The following MIPEP variants were observed in gnomAD, a reference collection of about 807,000 sequenced individuals.
MIPEP encodes mitochondrial intermediate peptidase.
In MIPEP, 79 loss-of-function variants were observed where a neutral mutation model predicts 90.3. That is an observed-to-expected ratio of 0.87 (90% CI 0.73 to 1.05). The LOEUF (loss-of-function observed/expected upper bound fraction) is 1.05. Among genes scored for constraint, MIPEP ranks in the 50% least tolerant of loss-of-function variants. The pLI is 0.00. For missense variants in MIPEP, 940 were observed against 905.6 expected, an observed-to-expected ratio of 1.04 and a Z score of -0.49; for synonymous variants, 334 against 315.8, an observed-to-expected ratio of 1.06 and a Z score of -0.61.
At chr13:23,869,209 A>G in intron 7 of MIPEP, 83 bp downstream of exon 7, 1 of 1,248,198 alleles carries the variant, frequency 8.0e-7, no homozygotes, top group East Asian at 2.4e-5. Context: ...AAAATAGAAC[A>G]CTAATTTACA....
At chr13:23,808,494 G>C (rs1214293892) in intron 15 of MIPEP, among the ~76,000 whole-genome samples, 3 of 152,128 alleles carry the variant, frequency 2.0e-5, no homozygotes, top group East Asian at 3.9e-4. Context: ...TATAAAAGCT[G>C]AACCCAGGCA....
In MIPEP at chr13:23,841,473, G is replaced by T. The variant is rs758436535; in HGVS notation, c.1122C>A (p.Pro374=). The change falls in exon 11 of 19, where the codon CCC becomes CCA. Residue 374 remains proline, a synonymous_variant. Transcript: ENST00000382172. ...GAGAGAAAAACGGGCAATATAGGCT[G>T]GGCTCAATATTATACCTAAGAGAAG... ...VIRAERYNIE[P]SLYCPFFSLG... 6.2e-7 allele frequency: 1 copy of T among 1,612,446 alleles called. No homozygotes were observed. The highest frequency in any genetic ancestry group is 1.3e-5 in the African/African-American group (1 of 74,934).
intron 14 of MIPEP, among the ~76,000 whole-genome samples, chr13:23,824,817 T>A (rs963325892): frequency 1.3e-5 from 2 of 152,212 alleles, no homozygotes; most frequent in African/African-American, 4.8e-5. Context: ...TCTAACAAAC[T>A]AAATAAGATG....
chr13:23,820,096 CA>C (rs1953287717), intron 14 of MIPEP, among the ~76,000 whole-genome samples: 1 of 152,096 alleles, frequency 6.6e-6, no homozygotes, highest in African/African-American at 2.4e-5. Context: ...ATGAGGTTTA[CA>C]GATGTGTCAT....
chr13:23,790,288 T>G (rs1466905461), intron 16 of MIPEP, among the ~76,000 whole-genome samples: 2 of 152,300 alleles, frequency 1.3e-5, no homozygotes, highest in East Asian at 3.9e-4. Context: ...TGAAGATTTC[T>G]TACTTCTGTT....
chr13:23,784,364 C>T (rs201150193), intron 16 of MIPEP, among the ~76,000 whole-genome samples: 22 of 148,876 alleles, frequency 1.5e-4, no homozygotes, highest in Admixed American at 2.7e-4. Context: ...CTTTGACAAA[C>T]CTGACAAAAA....
At chr13:23,812,847 T>G (rs1953190252) in intron 14 of MIPEP, among the ~76,000 whole-genome samples, 1 of 152,210 alleles carries the variant, frequency 6.6e-6, no homozygotes, top group Non-Finnish European at 1.5e-5. Context: ...TACTATACAT[T>G]GTAATACAAA....
chr13:23,808,223 C>G (rs932871119), intron 15 of MIPEP, among the ~76,000 whole-genome samples: 5 of 152,036 alleles, frequency 3.3e-5, no homozygotes. Flanking sequence ...CTCAGCCTCC[C>G]GAGTAGCTGG....
At chr13:23,766,994 G>A (rs1403308486) in intron 16 of MIPEP, among the ~76,000 whole-genome samples, 1 of 152,214 alleles carries the variant, frequency 6.6e-6, no homozygotes, top group African/African-American at 2.4e-5. Context: ...GACCATGTTG[G>A]GAAAGCCCAC....
chr13:23,791,427 T>C (rs1952896817), intron 16 of MIPEP, among the ~76,000 whole-genome samples: 1 of 152,156 alleles, frequency 6.6e-6, no homozygotes, highest in Non-Finnish European at 1.5e-5. Flanking sequence ...CACTGCCCCA[T>C]TTGCATGCTC....
Position 23,872,465 on chromosome 13 carries a change from AAAT to A in MIPEP, c.604-2273_604-2271del, listed in dbSNP as rs574174553. 5.0e-3 allele frequency among the ~76,000 whole-genome samples: 765 copies of A among 152,268 alleles called. 8 individuals carry two copies. The highest frequency in any genetic ancestry group is 0.018 in the African/African-American group (745 of 41,550). On this transcript the variant is annotated intron_variant, in intron 5 of 18. Transcript: ENST00000382172. Reference sequence around the variant, plus strand: ...AACAAGAGTGAAACTCTGTCTCAAAAAATAATAATAATAATAAATAAATAAGAA... The same window carrying A: ...AACAAGAGTGAAACTCTGTCTCAAAAAATAATAATAATAAATAAATAAGAA...
In MIPEP at chr13:23,798,991, A is replaced by AT. The variant is rs1196838588; in HGVS notation, c.1848+6958dup. On this transcript the variant is annotated intron_variant, in intron 16 of 18. Coordinates refer to ENST00000382172, the MANE Select transcript of MIPEP (RefSeq NM_005932.4). The stretch of plus-strand genomic sequence containing the variant: ...CCCCTCTCTAGGGTAAATTAGAATA[A>AT]TTTTTTTGGTTTTTTTTTTTTTTTT... Among the ~76,000 whole-genome samples the AT allele has an allele frequency of 6.3e-4, 81 of 127,772 alleles. 1 individual carries two copies. The Middle Eastern group carries it at 0.02, about 32-fold the overall frequency. 83.8% of individuals were successfully genotyped at this position (127,772 alleles called of 152,430 possible). A position where few individuals can be genotyped will look rare whatever the true frequency, so the allele number is the denominator to read the frequency against.
At chr13:23,769,573 TG>T (rs1226591117) in intron 16 of MIPEP, among the ~76,000 whole-genome samples, 1 of 152,082 alleles carries the variant, frequency 6.6e-6, no homozygotes, top group African/African-American at 2.4e-5. Flanking sequence ...AGCAGGTGTG[TG>T]GGGGGAGGGC....
intron 18 of MIPEP, among the ~76,000 whole-genome samples, chr13:23,748,254 A>G (rs899464319): frequency 1.3e-5 from 2 of 152,198 alleles, no homozygotes; most frequent in African/African-American, 4.8e-5. Flanking sequence ...TTTTAAGTCT[A>G]TTTTGGTATT....
chr13:23,811,745 G>A (rs1170297037), intron 14 of MIPEP, among the ~76,000 whole-genome samples: 1 of 152,068 alleles, frequency 6.6e-6, no homozygotes, highest in Admixed American at 6.6e-5. Flanking sequence ...GATGCTACCC[G>A]GTCCTGAGAC....
At chr13:23,832,403 TA>T (rs1868810266) in intron 14 of MIPEP, among the ~76,000 whole-genome samples, 1 of 152,078 alleles carries the variant, frequency 6.6e-6, no homozygotes, top group African/African-American at 2.4e-5. Context: ...TCAGGTATTC[TA>T]AGGAACAGAG....
chr13:23,845,557 T>C (rs1869499115), intron 10 of MIPEP, among the ~76,000 whole-genome samples: 2 of 152,208 alleles, frequency 1.3e-5, no homozygotes, highest in Non-Finnish European at 2.9e-5. Context: ...CTGCTGTTAG[T>C]TTATCTGTTA....
chr13:23,862,206 C>T, intron 9 of MIPEP, 96 bp downstream of exon 9: 1 of 750,694 alleles, frequency 1.3e-6, no homozygotes, highest in South Asian at 1.6e-5. Context: ...ACTAAATGGA[C>T]CTGTAGCCTA....
intron 16 of MIPEP, among the ~76,000 whole-genome samples, chr13:23,797,494 T>G (rs1182178902): frequency 1.3e-5 from 2 of 152,152 alleles, no homozygotes; most frequent in African/African-American, 4.8e-5. Context: ...ATTAAAACAG[T>G]GGGTGTCATT....
Sources: allele counts gnomAD v4.1 joint callset (sites outside exome capture counted in the v4.1 genomes callset), GRCh38; gene constraint gnomAD v4.1.1; transcripts MANE v1.5; gene names NCBI Gene and HGNC (gene_info 2026-07-23, HGNC 2026-07-21).